PPIP5K2: variants seen among roughly 807,000 people sequenced by gnomAD.
PPIP5K2 encodes the protein inositol hexakisphosphate and diphosphoinositol-pentakisphosphate kinase 2.
PPIP5K2 carries 105 observed loss-of-function variants against 154.6 expected under a neutral mutation model. The observed-to-expected ratio is 0.68, with a 90% CI of 0.58 to 0.80. The LOEUF is 0.80. Among genes scored for constraint, PPIP5K2 ranks in the 30% least tolerant of loss-of-function variants. The pLI is 0.00. For missense variants in PPIP5K2, 992 were observed against 1,504.6 expected (o/e 0.66, Z 5.64); for synonymous variants, 480 against 490.3 (o/e 0.98, Z 0.28).
chr5:103,210,338 G>C lies in PPIP5K2; in HGVS notation c.*8704G>C, dbSNP rs1463475535. 6.6e-6 allele frequency: 1 copy of C among 152,112 alleles called. No individual in the cohort carries two copies. Among genetic ancestry groups the C allele is most frequent in the African/African-American group, 2.4e-5 (1 of 41,442 alleles). 9.4% of individuals were successfully genotyped at this position (152,112 alleles called of 1,614,324 possible). On this transcript the variant is annotated 3_prime_UTR_variant, in exon 31 of 31. Coordinates refer to ENST00000358359, the MANE Select transcript of PPIP5K2 (RefSeq NM_001276277.3). The stretch of plus-strand genomic sequence containing the variant: ...GAGCAAGAGGATAGATCATTGAATA[G>C]ATGCTTTAATTCCATTTTTGACAAT...
intron 21 of PPIP5K2, chr5:103,176,859 T>C (rs1554221101): frequency 2.1e-6 from 3 of 1,409,740 alleles, no homozygotes; most frequent in Non-Finnish European, 2.9e-6. Context: ...TGATTACATG[T>C]TTAAAGACCA....
At chr5:103,135,808 C>T (rs79571858) in intron 3 of PPIP5K2, among the ~76,000 whole-genome samples, 6,409 of 152,044 alleles carry the variant, frequency 0.042, 436 homozygotes, top group African/African-American at 0.15. Flanking sequence ...TTCACTATAT[C>T]TACTATTTGA....
intron 1 of PPIP5K2, among the ~76,000 whole-genome samples, chr5:103,124,110 C>T (rs1374386312): frequency 2.0e-5 from 3 of 152,016 alleles, no homozygotes; most frequent in Admixed American, 2.0e-4. Flanking sequence ...GAAACTCCGT[C>T]TCTACTAAAA....
rs370915558 is a variant in PPIP5K2, at chr5:103,162,361, T to G, written c.1920+3033T>G. Among the ~76,000 whole-genome samples the G allele has an allele frequency of 4.4e-3, 664 of 151,290 alleles. 2 individuals are homozygous for G. The highest frequency in any genetic ancestry group is 6.5e-3 in the South Asian group (31 of 4,766). On this transcript the variant is annotated intron_variant, in intron 17 of 30. Coordinates refer to ENST00000358359, the MANE Select transcript of PPIP5K2 (RefSeq NM_001276277.3). Reference sequence around the variant, plus strand: ...TCATGATGTGTTTTCTTTTTTTTTTTTTTGTTTTTTTGTTTTGTAGAGACA... The same window carrying G: ...TCATGATGTGTTTTCTTTTTTTTTTGTTTGTTTTTTTGTTTTGTAGAGACA...
At position 103,154,763 on chromosome 5, in the gene PPIP5K2, C is replaced by G. The variant is rs1554212492; in HGVS notation, c.1293+18C>G. ...AGTTACAGGCAAGTGTATTTGCTTT[C>G]TTGTTTAATTTTAAATTTTTTAGTG... On this transcript the variant is annotated intron_variant, in intron 12 of 30. Coordinates refer to ENST00000358359, the MANE Select transcript of PPIP5K2 (RefSeq NM_001276277.3). 6.4e-7 allele frequency: 1 copy of G among 1,558,806 alleles called. No homozygotes were observed. Among genetic ancestry groups the G allele is most frequent in the Non-Finnish European group, 8.7e-7 (1 of 1,154,662 alleles).
rs1304629125 is a variant in PPIP5K2, at chr5:103,133,773, A to G, written c.310+125A>G. 3 of 692,132 alleles carry G rather than the reference A, an allele frequency of 4.3e-6. No homozygotes were observed. The African/African-American group carries it at 5.6e-5, about 13-fold the overall frequency. The allele number at this position is 692,132 out of a possible 1,614,324, so 42.9% of individuals were successfully genotyped here. Reference sequence around the variant, plus strand: ...TAACTCACTTTCATGGACAGGTAATATTAACATTGTGATATATTTCTTTCC... The same window carrying G: ...TAACTCACTTTCATGGACAGGTAATGTTAACATTGTGATATATTTCTTTCC... On this transcript the variant is annotated intron_variant, in intron 3 of 30. Transcript: ENST00000358359.
At chr5:103,155,406 CTTTTTTTTTTTTT>C (rs70990423) in intron 13 of PPIP5K2, among the ~76,000 whole-genome samples, 260 of 21,026 alleles carry the variant, frequency 0.012, no homozygotes, top group Non-Finnish European at 0.027. Flanking sequence ...TCAGAGTTGT[CTTTTTTTTTTTTT>C]TTTTTTTTTT....
Position 103,180,094 on chromosome 5 carries a change from G to A in PPIP5K2, c.2828G>A (p.Arg943Gln), listed in dbSNP as rs974450459. ...PHTSKRDEVD[R>Q]AVILFKPMVS... ...ACTTCTAAAAGAGATGAAGTTGATC[G>A]AGCTGTGATATTGTTTAAACCAATG... The change falls in exon 24 of 31, where the codon CGA becomes CAA. Residue 943 changes from arginine (R) to glutamine (Q), a missense_variant. Coordinates refer to ENST00000358359, the MANE Select transcript of PPIP5K2 (RefSeq NM_001276277.3). The A allele has an allele frequency of 7.5e-6, 12 of 1,603,954 alleles. No homozygotes were observed. The highest frequency in any genetic ancestry group is 1.3e-5 in the African/African-American group (1 of 74,076).
At position 103,165,999 on chromosome 5, in the gene PPIP5K2, A is replaced by G. The variant is rs114712086; in HGVS notation, c.1921-1180A>G. 9.5e-3 allele frequency among the ~76,000 whole-genome samples: 1,444 copies of G among 152,210 alleles called. 9 individuals are homozygous for G. Among genetic ancestry groups the G allele is most frequent in the Non-Finnish European group, 0.013 (855 of 67,978 alleles). On this transcript the variant is annotated intron_variant, in intron 17 of 30. Transcript: ENST00000358359. The stretch of plus-strand genomic sequence containing the variant: ...AGAGCTTTCAATGGAAATTTTAAAC[A>G]AGTGGGATGAAGATCCCAAAGCATT...
At position 103,138,393 on chromosome 5, in the gene PPIP5K2, A is replaced by G. The variant is rs782491593; in HGVS notation, c.411A>G (p.Val137=). The G allele has an allele frequency of 3.2e-6, 5 of 1,580,568 alleles. No homozygotes were observed. In the Admixed American group the frequency reaches 6.8e-5, roughly 21 times the overall value. ...TTCCCTTTTTCTTCAGGAGAGAAGT[A>G]TATAGTATTCTTCAAGCTGAAGGTA... The part of the protein sequence containing the change: ...MQYLIQDRRE[V]YSILQAEGIL... The change falls in exon 5 of 31, where the codon GTA becomes GTG. Residue 137 remains valine (V), a synonymous_variant. Coordinates refer to ENST00000358359, the MANE Select transcript of PPIP5K2 (RefSeq NM_001276277.3).
At position 103,120,506 on chromosome 5, in the gene PPIP5K2, G is replaced by C. The variant is rs1554198638; in HGVS notation, c.-285+18G>C. On this transcript the variant is annotated intron_variant, in intron 1 of 30. Coordinates refer to ENST00000358359, the MANE Select transcript of PPIP5K2 (RefSeq NM_001276277.3). ...CGTGGCAGGTGAGGGCCCAAAACCG[G>C]AGGAGAACCGGAGATGCGGAACCTG... 2.2e-6 allele frequency: 1 copy of C among 456,642 alleles called. No homozygotes were observed. The highest frequency in any genetic ancestry group is 2.3e-5 in the Admixed American group (1 of 42,576). The allele number at this position is 456,642 out of a possible 1,614,324, so 28.3% of individuals were successfully genotyped here. A position where few individuals can be genotyped will look rare whatever the true frequency, so the allele number is the denominator to read the frequency against.
intron 7 of PPIP5K2, 102 bp downstream of exon 7, chr5:103,148,134 CTCTT>C: frequency 1.2e-6 from 1 of 860,462 alleles, no homozygotes; most frequent in Non-Finnish European, 1.9e-6. Context: ...TATTCTGGAT[CTCTT>C]TCTTTTTGAT....
Position 103,197,942 on chromosome 5 carries a change from C to T in PPIP5K2, c.3619+2917C>T, listed in dbSNP as rs185734969. Among the ~76,000 whole-genome samples, 120 of 151,938 alleles carry T rather than the reference C, an allele frequency of 7.9e-4. 1 individual carries two copies. Among genetic ancestry groups the T allele is most frequent in the Admixed American group, 3.9e-3 (60 of 15,276 alleles). ...TTTTAATTATTTTAAAAATTATTTT[C>T]TACATCCTACTTACTTTGGGTTTAC... On this transcript the variant is annotated intron_variant, in intron 30 of 30. Transcript: ENST00000358359.
In PPIP5K2 at chr5:103,201,871, C is replaced by T. The variant is rs1037797851; in HGVS notation, c.*237C>T. On this transcript the variant is annotated 3_prime_UTR_variant, in exon 31 of 31. Coordinates refer to ENST00000358359, the MANE Select transcript of PPIP5K2 (RefSeq NM_001276277.3). ...CGATTGTTGTTAATATGATGTTTACCATGTGCACATAGTAATGAAAAGGAA... is the reference window on the plus strand; with the variant it reads ...CGATTGTTGTTAATATGATGTTTACTATGTGCACATAGTAATGAAAAGGAA... 1.4e-5 allele frequency: 6 copies of T among 427,976 alleles called. No individual in the cohort carries two copies. The highest frequency in any genetic ancestry group is 2.1e-5 in the Non-Finnish European group (5 of 237,140). 26.5% of individuals were successfully genotyped at this position (427,976 alleles called of 1,614,324 possible).
At chr5:103,170,469 A>G (rs1186150862) in intron 19 of PPIP5K2, among the ~76,000 whole-genome samples, 2 of 151,642 alleles carry the variant, frequency 1.3e-5, no homozygotes, top group African/African-American at 4.8e-5. Context: ...TTGACTCTTC[A>G]GATAAAATTA....
intron 29 of PPIP5K2, among the ~76,000 whole-genome samples, chr5:103,192,974 T>C (rs1314361586): frequency 1.3e-5 from 2 of 152,152 alleles, no homozygotes; most frequent in Non-Finnish European, 2.9e-5. Context: ...CAAGAGTCTT[T>C]GGAAATTCCA....
chr5:103,168,847 T>TA (rs1233143105), intron 19 of PPIP5K2, among the ~76,000 whole-genome samples: 1 of 151,716 alleles, frequency 6.6e-6, no homozygotes, highest in Non-Finnish European at 1.5e-5. Flanking sequence ...TCTTAGAGAA[T>TA]AATAATATGT....
intron 24 of PPIP5K2, among the ~76,000 whole-genome samples, chr5:103,182,026 A>C (rs1319138297): frequency 6.6e-6 from 1 of 152,174 alleles, no homozygotes; most frequent in Non-Finnish European, 1.5e-5. Context: ...AACTTAATGG[A>C]AAAAATGAAA....
intron 14 of PPIP5K2, 39 bp from the exon 15 acceptor site, chr5:103,158,149 A>T (rs781891481): frequency 6.3e-7 from 1 of 1,595,002 alleles, no homozygotes; most frequent in Non-Finnish European, 8.6e-7. Flanking sequence ...TTAAAGAAAT[A>T]AACTTAACAT....
Sources: gnomAD v4.1 joint callset for allele counts (sites outside exome capture counted in the v4.1 genomes callset) on GRCh38, gnomAD v4.1.1 for gene constraint, MANE v1.5 for transcripts, NCBI Gene and HGNC (gene_info 2026-07-23, HGNC 2026-07-21) for gene names.